RPSA2: variants seen among roughly 807,000 people sequenced by gnomAD.
RPSA2 encodes the protein small ribosomal subunit protein uS2B.
chr19:23,790,459 A>G, the RPSA2 span, among the ~76,000 whole-genome samples: 23 of 152,132 alleles, frequency 1.5e-4, no homozygotes, highest in Non-Finnish European at 3.2e-4. Context: ...AAAGGCTGCA[A>G]CTTAGGCTGT....
the RPSA2 span, among the ~76,000 whole-genome samples, chr19:23,857,101 G>T: frequency 3.9e-5 from 6 of 152,094 alleles, no homozygotes; most frequent in Admixed American, 1.3e-4. Context: ...GCCGTTTATA[G>T]ACCTCCCCCC....
the RPSA2 span, among the ~76,000 whole-genome samples, chr19:23,776,450 A>T: frequency 0.011 from 1,682 of 151,272 alleles, 33 homozygotes; most frequent in African/African-American, 0.039. Flanking sequence ...CCCCTAGTTT[A>T]TGTTACTCTC....
chr19:23,831,090 A>T, the RPSA2 span, among the ~76,000 whole-genome samples: 13 of 151,596 alleles, frequency 8.6e-5, no homozygotes, highest in Non-Finnish European at 1.5e-5. Context: ...TACTGCTGTC[A>T]GTCTGCTGCT....
chr19:23,773,184 C>T, the RPSA2 span, among the ~76,000 whole-genome samples: 149 of 151,860 alleles, frequency 9.8e-4, no homozygotes, highest in Non-Finnish European at 1.1e-3. Flanking sequence ...GCAAGCTCCA[C>T]CTCCCAGGTG....
chr19:23,793,595 T>C, the RPSA2 span, among the ~76,000 whole-genome samples: 1 of 151,858 alleles, frequency 6.6e-6, no homozygotes, highest in Non-Finnish European at 1.5e-5. Context: ...ACAGTCTCAC[T>C]TTTGTTGCCC....
chr19:23,791,774 C>G, the RPSA2 span, among the ~76,000 whole-genome samples: 9 of 7,932 alleles, frequency 1.1e-3, 1 homozygote, highest in Admixed American at 0.019. Flanking sequence ...GAGACTTGCT[C>G]TATCTCTGAG....
the RPSA2 span, among the ~76,000 whole-genome samples, chr19:23,797,761 A>C: frequency 1.3e-5 from 2 of 152,196 alleles, no homozygotes; most frequent in African/African-American, 4.8e-5. Context: ...ATATGAACCC[A>C]TGAATTTTAT....
At chr19:23,794,983 G>A in the RPSA2 span, among the ~76,000 whole-genome samples, 26 of 152,134 alleles carry the variant, frequency 1.7e-4, no homozygotes, top group African/African-American at 6.3e-4. Context: ...TCAGATGGTA[G>A]TAGGTATGTG....
At chr19:23,762,483 C>T in the RPSA2 span, among the ~76,000 whole-genome samples, 14 of 151,674 alleles carry the variant, frequency 9.2e-5, no homozygotes, top group African/African-American at 3.4e-4. Flanking sequence ...CGAGAGCAGC[C>T]TGGCCAACAT....
the RPSA2 span, among the ~76,000 whole-genome samples, chr19:23,857,841 G>C: frequency 6.6e-6 from 1 of 151,670 alleles, no homozygotes; most frequent in Admixed American, 6.6e-5. Context: ...TTTTTTCTTA[G>C]AGTACTGAAG....
the RPSA2 span, chr19:23,759,027 T>C: frequency 6.9e-5 from 38 of 547,446 alleles, no homozygotes; most frequent in Non-Finnish European, 1.1e-4. Context: ...GAAGATGTGA[T>C]CAGATGCTCT....
chr19:23,761,906 T>TCTCTCTCTCTCTCTCTCTCTCTCTCTCTC, the RPSA2 span, among the ~76,000 whole-genome samples: 4 of 92,136 alleles, frequency 4.3e-5, no homozygotes, highest in South Asian at 4.4e-4. Flanking sequence ...ACGTAATTCT[T>TCTCTCTCTCTCTCTCTCTCTCTCTCTCTC]TCTTTCTTTC....
At chr19:23,788,758 G>A in the RPSA2 span, among the ~76,000 whole-genome samples, 4 of 152,042 alleles carry the variant, frequency 2.6e-5, no homozygotes, top group African/African-American at 4.8e-5. Flanking sequence ...CTGACATTAC[G>A]GGATGGGAAG....
At chr19:23,845,718 C>T in the RPSA2 span, among the ~76,000 whole-genome samples, 1 of 152,212 alleles carries the variant, frequency 6.6e-6, no homozygotes, top group Admixed American at 6.5e-5. Flanking sequence ...TCTCAAACTG[C>T]TGACCTCAGG....
the RPSA2 span, among the ~76,000 whole-genome samples, chr19:23,825,743 T>G: frequency 6.6e-5 from 10 of 152,114 alleles, no homozygotes; most frequent in Non-Finnish European, 1.0e-4. Flanking sequence ...TGTGCCAACA[T>G]GCCTGGCTAA....
At chr19:23,848,318 G>A in the RPSA2 span, among the ~76,000 whole-genome samples, 11 of 152,168 alleles carry the variant, frequency 7.2e-5, no homozygotes, top group East Asian at 1.7e-3. Context: ...ACGTGCCATG[G>A]CGATGAAGGC....
At chr19:23,761,052 G>A in the RPSA2 span, among the ~76,000 whole-genome samples, 1 of 148,050 alleles carries the variant, frequency 6.8e-6, no homozygotes, top group East Asian at 2.0e-4. Flanking sequence ...GTATATATGT[G>A]TATATATATA....
chr19:23,813,494 A>G, the RPSA2 span, among the ~76,000 whole-genome samples: 6 of 152,002 alleles, frequency 3.9e-5, no homozygotes, highest in African/African-American at 2.4e-5. Context: ...AGTTGACATA[A>G]TATTTTCAAA....
At chr19:23,790,528 C>G in the RPSA2 span, among the ~76,000 whole-genome samples, 1 of 152,010 alleles carries the variant, frequency 6.6e-6, no homozygotes. Flanking sequence ...AAGGTGGGGT[C>G]TTGAACGATA....
Sources: gnomAD v4.1 joint callset for allele counts (sites outside exome capture counted in the v4.1 genomes callset) on GRCh38, gnomAD v4.1.1 for gene constraint, MANE v1.5 for transcripts, NCBI Gene and HGNC (gene_info 2026-07-23, HGNC 2026-07-21) for gene names.